The following CRPPA variants were observed in gnomAD, a reference collection of about 807,000 sequenced individuals.
CRPPA encodes D-ribitol-5-phosphate cytidylyltransferase.
A neutral mutation model predicts 52.0 loss-of-function variants in CRPPA; 43 were observed. The ratio of observed to expected loss-of-function variants is 0.83; its 90% CI spans 0.65 to 1.07. The LOEUF (loss-of-function observed/expected upper bound fraction) is 1.07. CRPPA is among the 50% of genes least tolerant of loss of function. The probability of loss-of-function intolerance (pLI) is 0.00; values close to 1 mark genes in which losing one functional copy is unlikely to be tolerated. For missense variants in CRPPA, 629 were observed against 551.7 expected, an observed-to-expected ratio of 1.14 and a Z score of -1.40; for synonymous variants, 250 against 203.5, an observed-to-expected ratio of 1.23 and a Z score of -1.94.
chr7:16,399,097 C>T (rs553908197), intron 2 of CRPPA, among the ~76,000 whole-genome samples: 89 of 152,330 alleles, frequency 5.8e-4, no homozygotes, highest in Admixed American at 5.6e-3. Flanking sequence ...ACATGATAGA[C>T]GTGATCGTCA....
At chr7:16,157,170 C>T (rs1783199625) in intron 9 of CRPPA, among the ~76,000 whole-genome samples, 1 of 139,108 alleles carries the variant, frequency 7.2e-6, no homozygotes, top group African/African-American at 2.5e-5. Flanking sequence ...TCTTTCGGAA[C>T]ACAAATGCTG....
intron 6 of CRPPA, among the ~76,000 whole-genome samples, chr7:16,273,364 G>A (rs1271349332): frequency 6.6e-6 from 1 of 152,028 alleles, no homozygotes; most frequent in East Asian, 1.9e-4. Flanking sequence ...TGATGGCAGA[G>A]GGGCAGCAGA....
At chr7:16,302,781 C>A (rs1325564648) in intron 4 of CRPPA, among the ~76,000 whole-genome samples, 1 of 152,212 alleles carries the variant, frequency 6.6e-6, no homozygotes, top group Admixed American at 6.5e-5. Flanking sequence ...TGAGCACAGT[C>A]TGAAAACCAG....
chr7:16,300,664 C>T (rs1023764480), intron 5 of CRPPA, among the ~76,000 whole-genome samples: 7 of 152,172 alleles, frequency 4.6e-5, no homozygotes, highest in African/African-American at 1.7e-4. Context: ...TGCTGCTAAA[C>T]AACTTGTAAT....
chr7:16,187,890 G>C (rs1434812057), intron 9 of CRPPA, among the ~76,000 whole-genome samples: 1 of 152,022 alleles, frequency 6.6e-6, no homozygotes, highest in African/African-American at 2.4e-5. Context: ...TTTAAACAGA[G>C]AATTACATTG....
intron 2 of CRPPA, among the ~76,000 whole-genome samples, chr7:16,381,222 T>G (rs1331397974): frequency 6.6e-6 from 1 of 152,210 alleles, no homozygotes; most frequent in Non-Finnish European, 1.5e-5. Context: ...AAGAACATCT[T>G]TATTTCTGCC....
intron 9 of CRPPA, among the ~76,000 whole-genome samples, chr7:16,193,704 G>GTA (rs978770799): frequency 1.1e-4 from 17 of 152,112 alleles, no homozygotes; most frequent in African/African-American, 4.1e-4. Context: ...ATATAGGTAT[G>GTA]TATACACACA....
chr7:16,366,667 C>T (rs1310910069), intron 3 of CRPPA, among the ~76,000 whole-genome samples: 3 of 151,608 alleles, frequency 2.0e-5, no homozygotes, highest in Non-Finnish European at 4.4e-5. Context: ...GCCAAGTCAC[C>T]AGATCATTTT....
intron 2 of CRPPA, among the ~76,000 whole-genome samples, chr7:16,380,983 T>C (rs1421761845): frequency 6.6e-6 from 1 of 151,782 alleles, no homozygotes; most frequent in Non-Finnish European, 1.5e-5. Flanking sequence ...TTTGTGTCTC[T>C]ATTTCCTTCA....
intron 1 of CRPPA, among the ~76,000 whole-genome samples, chr7:16,412,172 T>G (rs1262711876): frequency 6.6e-6 from 1 of 152,200 alleles, no homozygotes; most frequent in East Asian, 1.9e-4. Context: ...AACAATTGTA[T>G]GAGACTCTAA....
intron 9 of CRPPA, among the ~76,000 whole-genome samples, chr7:16,152,441 T>C (rs1424995748): frequency 6.6e-6 from 1 of 151,962 alleles, no homozygotes; most frequent in South Asian, 2.1e-4. Flanking sequence ...ATAAAAATGT[T>C]ATATTGGGAC....
intron 9 of CRPPA, among the ~76,000 whole-genome samples, chr7:16,177,065 G>A (rs557668632): frequency 1.3e-5 from 2 of 152,194 alleles, no homozygotes; most frequent in Non-Finnish European, 2.9e-5. Flanking sequence ...AGTTACACAT[G>A]GTTTCAATGC....
At chr7:16,105,048 G>T (rs1338047079) in intron 9 of CRPPA, among the ~76,000 whole-genome samples, 1 of 152,130 alleles carries the variant, frequency 6.6e-6, no homozygotes, top group African/African-American at 2.4e-5. Context: ...AAACATCAAG[G>T]CATTAATTTA....
At chr7:16,272,259 TCTTTA>T (rs781647346) in intron 6 of CRPPA, among the ~76,000 whole-genome samples, 22 of 152,178 alleles carry the variant, frequency 1.4e-4, no homozygotes, top group Non-Finnish European at 2.6e-4. Context: ...CCAAGTTAGC[TCTTTA>T]CTTAACTTTT....
chr7:16,417,797 T>TA (rs370966458), intron 1 of CRPPA, among the ~76,000 whole-genome samples: 329 of 146,530 alleles, frequency 2.2e-3, no homozygotes, highest in African/African-American at 6.7e-3. Flanking sequence ...GTTGAAGTTA[T>TA]AAAAAAAAAA....
intron 3 of CRPPA, among the ~76,000 whole-genome samples, chr7:16,312,456 G>A (rs1021568656): frequency 9.9e-5 from 15 of 151,924 alleles, no homozygotes; most frequent in Non-Finnish European, 2.2e-4. Context: ...TTATTCCCTC[G>A]TAGCCTGCAA....
chr7:16,206,269 A>C (rs922067407), intron 9 of CRPPA, among the ~76,000 whole-genome samples: 1 of 152,170 alleles, frequency 6.6e-6, no homozygotes, highest in African/African-American at 2.4e-5. Context: ...GTAAATACAT[A>C]CCAGTAGGTA....
intron 6 of CRPPA, among the ~76,000 whole-genome samples, chr7:16,265,541 G>A (rs1300446744): frequency 1.3e-5 from 2 of 152,166 alleles, no homozygotes; most frequent in Admixed American, 6.5e-5. Flanking sequence ...GAAGTCTGAA[G>A]TCTAATGTGT....
At chr7:16,382,090 T>C (rs1480307198) in intron 2 of CRPPA, among the ~76,000 whole-genome samples, 2 of 152,102 alleles carry the variant, frequency 1.3e-5, no homozygotes, top group Non-Finnish European at 2.9e-5. Context: ...CTAGCCTTGA[T>C]GGTCTTTATA....
Sources: allele counts gnomAD v4.1 joint callset (sites outside exome capture counted in the v4.1 genomes callset), GRCh38; gene constraint gnomAD v4.1.1; transcripts MANE v1.5; gene names NCBI Gene and HGNC (gene_info 2026-07-23, HGNC 2026-07-21).